The following C1RL variants were observed in gnomAD, a reference collection of about 807,000 sequenced individuals.
The protein encoded by C1RL is complement C1r subcomponent like.
Under a neutral mutation model 27.9 loss-of-function variants are expected in C1RL, and 27 were observed. The observed-to-expected ratio is 0.97, with a 90% CI of 0.71 to 1.33. C1RL has a LOEUF of 1.33. Ranked by LOEUF, C1RL falls within the 40% of genes most tolerant of loss-of-function variation. The pLI, the probability that C1RL is intolerant of heterozygous loss-of-function variation, is 0.00. For missense variants in C1RL, 563 were observed against 623.9 expected (o/e 0.90, Z 1.04); for synonymous variants, 248 against 252.1 (o/e 0.98, Z 0.15).
Position 7,096,224 on chromosome 12 carries a change from G to A in C1RL, c.*167C>T. 1 of 1,389,508 alleles carries A rather than the reference G, an allele frequency of 7.2e-7. No individual in the cohort carries two copies. Among genetic ancestry groups the A allele is most frequent in the Non-Finnish European group, 9.3e-7 (1 of 1,076,366 alleles). The allele number at this position is 1,389,508 out of a possible 1,614,324, so 86.1% of individuals were successfully genotyped here. On this transcript the variant is annotated 3_prime_UTR_variant, in exon 6 of 6. Transcript: ENST00000266542. ...TGGGATGGGGCGGGCTTGCCGGGTG[G>A]GGGTTTCTCTTGCAGTGGCTTGGTG...
intron 5 of C1RL, among the ~76,000 whole-genome samples, chr12:7,099,225 CAAAAAAAAAA>C (rs1180325788): frequency 2.9e-4 from 13 of 44,372 alleles, no homozygotes; most frequent in East Asian, 2.6e-3. Context: ...AACTCCATCC[CAAAAAAAAAA>C]AAAAAAAAAA....
At chr12:7,108,065 G>A (rs1938813141) in intron 2 of C1RL, 186 bp downstream of exon 2, 10 of 467,450 alleles carry the variant, frequency 2.1e-5, no homozygotes, top group South Asian at 4.1e-5. Flanking sequence ...TGGCAGCCCC[G>A]GAGGCGCTGG....
intron 2 of C1RL, among the ~76,000 whole-genome samples, chr12:7,105,846 C>G (rs1346825623): frequency 6.6e-6 from 1 of 152,044 alleles, no homozygotes; most frequent in African/African-American, 2.4e-5. Context: ...AAACCATTAA[C>G]TAAAAGATGG....
chr12:7,099,952 C>A lies in C1RL; in HGVS notation c.565G>T (p.Ala189Ser). Residue 189 changes from alanine (A) to serine (S), a missense_variant, in exon 4 of 6, where the codon GCC (alanine) becomes TCC (serine). Coordinates refer to ENST00000266542, the MANE Select transcript of C1RL (RefSeq NM_016546.4). The part of the protein sequence containing the change: ...EAINAPGDNP[A>S]KVQNHCQEPY... ...TCCTGGCAGTGGTTCTGGACCTTGG[C>A]AGGGTTGTCTCCAGGTGCGTTGATG... 1 of 1,614,030 alleles carries A rather than the reference C, an allele frequency of 6.2e-7. No homozygotes were observed. Among genetic ancestry groups the A allele is most frequent in the Non-Finnish European group, 8.5e-7 (1 of 1,180,006 alleles).
intron 3 of C1RL, among the ~76,000 whole-genome samples, chr12:7,101,059 T>C (rs1276411715): frequency 2.6e-5 from 4 of 151,698 alleles, no homozygotes; most frequent in East Asian, 3.9e-4. Context: ...TTTTATCATG[T>C]GCACCCTTCC....
Position 7,104,350 on chromosome 12 carries a change from C to T in C1RL, c.301-2263G>A, listed in dbSNP as rs771334573. ...AAGAAACCCTGGACTTGAGGCCCCG[C>T]GGCACACTTGATAGAGGGGGCGAAG... On this transcript the variant is annotated intron_variant, in intron 2 of 5. Coordinates refer to ENST00000266542, the MANE Select transcript of C1RL (RefSeq NM_016546.4). This position sits in a 1 kb window ranked among gnomAD's most constrained non-coding sequence, Gnocchi z 5.4. Among the ~76,000 whole-genome samples the T allele has an allele frequency of 5.9e-5, 9 of 152,302 alleles. No homozygotes were observed. The highest frequency in any genetic ancestry group is 1.9e-4 in the African/African-American group (8 of 41,560).
intron 5 of C1RL, among the ~76,000 whole-genome samples, chr12:7,098,713 CA>C (rs1446008411): frequency 6.6e-6 from 1 of 152,106 alleles, no homozygotes; most frequent in Non-Finnish European, 1.5e-5. Context: ...CAGAAATGGC[CA>C]CACATTATAT....
intron 5 of C1RL, chr12:7,099,391 G>A (rs1938546524): frequency 2.3e-6 from 2 of 885,198 alleles, no homozygotes; most frequent in Non-Finnish European, 2.7e-6. Flanking sequence ...TAAAATGTAT[G>A]GCACAAAAAG....
rs769070673 is a variant in C1RL at position 7,097,144 on chromosome 12, G to C, written c.711C>G (p.Thr237=). The C allele has an allele frequency of 6.2e-7, 1 of 1,608,662 alleles. No individual in the cohort carries two copies. Among genetic ancestry groups the C allele is most frequent in the East Asian group, 2.2e-5 (1 of 44,798 alleles). Reference sequence around the variant, plus strand: ...GGGTCGTCTGATTCTGGGCAATGGGGGTGACTGGCCGTCCGCAGACTGGGA... The same window carrying C: ...GGGTCGTCTGATTCTGGGCAATGGGCGTGACTGGCCGTCCGCAGACTGGGA... ...QCMPVCGRPV[T]PIAQNQTTLG... Residue 237 remains threonine, a synonymous_variant, in exon 6 of 6, where the codon ACC becomes ACG. Transcript: ENST00000266542.
intron 3 of C1RL, among the ~76,000 whole-genome samples, chr12:7,100,777 ACT>A (rs1938593991): frequency 1.3e-5 from 2 of 152,120 alleles, no homozygotes; most frequent in African/African-American, 2.4e-5. Flanking sequence ...ATAGAGCGAG[ACT>A]CTGTCTCAAA....
intron 2 of C1RL, among the ~76,000 whole-genome samples, chr12:7,102,406 T>C (rs941364097): frequency 1.8e-4 from 28 of 152,224 alleles, no homozygotes; most frequent in Admixed American, 4.6e-4. Context: ...CACTGGATTA[T>C]GCATTCTAAG....
chr12:7,099,594 A>C (rs1211908476), intron 5 of C1RL, 92 bp downstream of exon 5: 1 of 1,507,576 alleles, frequency 6.6e-7, no homozygotes, highest in Non-Finnish European at 9.0e-7. Flanking sequence ...CTTCCTTTCT[A>C]TTCTAAGGCT....
Position 7,095,213 on chromosome 12 carries a change from T to G in C1RL, c.*1178A>C. 1 of 908,006 alleles carries G rather than the reference T, an allele frequency of 1.1e-6. No individual in the cohort carries two copies. The highest frequency in any genetic ancestry group is 1.4e-6 in the Non-Finnish European group (1 of 696,410). The allele number at this position is 908,006 out of a possible 1,614,324, so 56.2% of individuals were successfully genotyped here. On this transcript the variant is annotated 3_prime_UTR_variant, in exon 6 of 6. Coordinates refer to ENST00000266542, the MANE Select transcript of C1RL (RefSeq NM_016546.4). Reference sequence around the variant, plus strand: ...TCACTGCAACCTCCGCCTCCCAGGTTCAAGTGATTCTCCTGCCTCAGCCTC... The same window carrying G: ...TCACTGCAACCTCCGCCTCCCAGGTGCAAGTGATTCTCCTGCCTCAGCCTC...
At chr12:7,108,994 G>GA in intron 1 of C1RL, 116 bp downstream of exon 1, 1 of 382,632 alleles carries the variant, frequency 2.6e-6, no homozygotes, top group Non-Finnish European at 4.7e-6. Flanking sequence ...TGTGTGGGGG[G>GA]GGGGGGGATG....
At chr12:7,101,711 G>C (rs914046358) in intron 3 of C1RL, 187 bp downstream of exon 3, 5 of 606,842 alleles carry the variant, frequency 8.2e-6, no homozygotes, top group African/African-American at 1.8e-5. Flanking sequence ...AACAACCGCT[G>C]GGGGCTCAGC....
At position 7,096,451 on chromosome 12, in the gene C1RL, G is replaced by A. The variant is rs1459222605; in HGVS notation, c.1404C>T (p.Phe468=). Residue 468 remains phenylalanine (F), a synonymous_variant, in exon 6 of 6, where the codon TTC becomes TTT. Transcript: ENST00000266542. ...WGIGCGEGYD[F]YTKVLSYVDW... is the part of the protein sequence containing the mutation. The stretch of plus-strand genomic sequence containing the variant: ...CCACATAGCTGAGCACCTTGGTGTA[G>A]AAGTCATACCCTTCGCCACACCCTA... 6.2e-7 allele frequency: 1 copy of A among 1,614,060 alleles called. No homozygotes were observed. The highest frequency in any genetic ancestry group is 2.2e-5 in the East Asian group (1 of 44,892).
rs745434492 is a variant in C1RL at position 7,101,980 on chromosome 12, C to G, written c.408G>C (p.Arg136=). 6.2e-7 allele frequency: 1 copy of G among 1,614,242 alleles called. No individual in the cohort carries two copies. Among genetic ancestry groups the G allele is most frequent in the South Asian group, 1.1e-5 (1 of 91,084 alleles). The change falls in exon 3 of 6, where the codon CGG becomes CGC. Residue 136 remains arginine (R), a synonymous_variant. Transcript: ENST00000266542. Reference sequence around the variant, plus strand: ...AGGAAGGCTGTGTGCGGAAGGTCAGCCGCAAACTCCTCCCTGAGGATACAA... The same window carrying G: ...AGGAAGGCTGTGTGCGGAAGGTCAGGCGCAAACTCCTCCCTGAGGATACAA... ...REFVSSGRSL[R]LTFRTQPSSE...
chr12:7,097,796 A>G (rs951181502), intron 5 of C1RL, among the ~76,000 whole-genome samples: 2 of 152,098 alleles, frequency 1.3e-5, no homozygotes, highest in African/African-American at 4.8e-5. Context: ...ATTCGTTTGG[A>G]CCATCCTGGG....
intron 5 of C1RL, 149 bp from the exon 6 acceptor site, chr12:7,097,312 C>G (rs1292882930): frequency 7.2e-6 from 5 of 699,066 alleles, no homozygotes; most frequent in African/African-American, 5.6e-5. Context: ...TATCGAGTTT[C>G]GCTCTTGTTG....
Sources: allele counts gnomAD v4.1 joint callset (sites outside exome capture counted in the v4.1 genomes callset), GRCh38; gene constraint gnomAD v4.1.1; non-coding constraint Gnocchi (gnomAD v3.1); transcripts MANE v1.5; gene names NCBI Gene and HGNC (gene_info 2026-07-23, HGNC 2026-07-21).